The following ARHGEF4 variants were observed in gnomAD, a reference collection of about 807,000 sequenced individuals.
ARHGEF4 encodes the protein Rho guanine nucleotide exchange factor 4, also known as APC-stimulated guanine nucleotide exchange factor 1.
A neutral mutation model predicts 162.0 loss-of-function variants in ARHGEF4; 119 were observed. The observed-to-expected ratio is 0.73, with a 90% CI of 0.63 to 0.86. The LOEUF (loss-of-function observed/expected upper bound fraction) is 0.86. Ranked by LOEUF, ARHGEF4 falls within the 40% of genes least tolerant of loss-of-function variation. The probability of loss-of-function intolerance (pLI) is 0.00; values close to 1 mark genes in which losing one functional copy is unlikely to be tolerated. For missense variants in ARHGEF4, 2,488 were observed against 2,456.0 expected, an observed-to-expected ratio of 1.01 and a Z score of -0.28; for synonymous variants, 1,014 against 979.9, an observed-to-expected ratio of 1.03 and a Z score of -0.65.
At chr2:130,922,301 G>A (rs1681920907) in intron 2 of ARHGEF4, among the ~76,000 whole-genome samples, 1 of 151,870 alleles carries the variant, frequency 6.6e-6, no homozygotes, top group African/African-American at 2.4e-5. Context: ...AACCCAGGAG[G>A]TGGAGGTTGC....
rs1462268576 is a variant in ARHGEF4 at position 130,915,523 on chromosome 2, G to A, written c.1577G>A (p.Arg526Gln). ...SKSPTRAKFP[R>Q]QPSSEGTQVW... ...TCACCTACCAGGGCCAAGTTCCCAC[G>A]GCAGCCTAGCAGTGAGGGGACCCAG... The change falls in exon 2 of 14, where the codon CGG (arginine) becomes CAG (glutamine). Residue 526 changes from arginine (R) to glutamine (Q), a missense_variant. Arg to Gln is a conservative substitution (Grantham distance 43). Transcript: ENST00000409359. The A allele has an allele frequency of 1.9e-6, 3 of 1,550,562 alleles. No individual in the cohort carries two copies. Among genetic ancestry groups the A allele is most frequent in the African/African-American group, 1.4e-5 (1 of 73,158 alleles).
At chr2:131,035,219 T>C in intron 5 of ARHGEF4, 1 of 1,223,854 alleles carries the variant, frequency 8.2e-7, no homozygotes, top group Non-Finnish European at 1.0e-6. Flanking sequence ...GCGCTCCTGG[T>C]TCTCATCAAC....
intron 1 of ARHGEF4, among the ~76,000 whole-genome samples, chr2:130,854,222 A>G (rs1021761511): frequency 6.6e-6 from 1 of 152,244 alleles, no homozygotes; most frequent in Non-Finnish European, 1.5e-5. Flanking sequence ...ATTATAGGCC[A>G]AACCCTGTCC....
intron 1 of ARHGEF4, among the ~76,000 whole-genome samples, chr2:130,866,208 A>G (rs1682266065): frequency 6.6e-6 from 1 of 152,072 alleles, no homozygotes; most frequent in Admixed American, 6.6e-5. Flanking sequence ...ACATCTCTAG[A>G]GACCAAAAAA....
chr2:131,033,349 G>A (rs958261668), intron 5 of ARHGEF4, among the ~76,000 whole-genome samples: 1 of 152,212 alleles, frequency 6.6e-6, no homozygotes, highest in African/African-American at 2.4e-5. Context: ...GCCCTGCTGT[G>A]CATGGGGCAG....
chr2:130,931,199 A>G lies in ARHGEF4; in HGVS notation c.3800A>G (p.Lys1267Arg). Residue 1267 changes from lysine to arginine, a missense_variant, in exon 3 of 14, where the codon AAG (lysine) becomes AGG (arginine). Physicochemically the swap from Lys to Arg is conservative, Grantham distance 26. This residue lies in a region of ARHGEF4 where 1,642 missense variants were observed against 1,481.5 expected (regional missense o/e 1.11). Coordinates refer to ENST00000409359, the MANE Select transcript of ARHGEF4 (RefSeq NM_001367493.1). ...AAGACACAGAGAAAGAAGTTGCAGA[A>G]GCAGGCCCACGTCGAAAGGAGGCTG... ...LEKTQRKKLQ[K>R]QAHVERRLHI... The G allele has an allele frequency of 6.2e-7, 1 of 1,614,034 alleles. No individual in the cohort carries two copies. The highest frequency in any genetic ancestry group is 1.1e-5 in the South Asian group (1 of 91,060).
intron 10 of ARHGEF4, 84 bp from the exon 11 acceptor site, chr2:131,043,368 G>T: frequency 6.3e-7 from 1 of 1,576,636 alleles, no homozygotes. Flanking sequence ...AGGGGGAGGT[G>T]CGCCACCCAC....
chr2:130,907,454 T>C (rs1270151602), intron 1 of ARHGEF4, among the ~76,000 whole-genome samples: 1 of 151,358 alleles, frequency 6.6e-6, no homozygotes, highest in Non-Finnish European at 1.5e-5. Flanking sequence ...CCTGACCTCG[T>C]GATCCGCCCA....
chr2:131,027,848 C>G, intron 4 of ARHGEF4, 97 bp from the exon 5 acceptor site: 2 of 1,443,808 alleles, frequency 1.4e-6, no homozygotes, highest in Non-Finnish European at 1.9e-6. Context: ...GCAGAAGAAG[C>G]ATTTGTCCTG....
intron 4 of ARHGEF4, among the ~76,000 whole-genome samples, chr2:131,023,992 C>T (rs1410568124): frequency 6.6e-6 from 1 of 152,192 alleles, no homozygotes; most frequent in Non-Finnish European, 1.5e-5. Context: ...GGATAGAGTG[C>T]AGGACATTTG....
intron 4 of ARHGEF4, among the ~76,000 whole-genome samples, chr2:131,017,182 C>T (rs937683772): frequency 3.0e-4 from 45 of 152,314 alleles, no homozygotes; most frequent in African/African-American, 1.1e-3. Context: ...TCCTTTAACG[C>T]TTTCCTATGA....
rs917409520 is a variant in ARHGEF4, at chr2:130,901,530, T to C, written c.40-12456T>C. 1.3e-4 allele frequency among the ~76,000 whole-genome samples: 20 copies of C among 152,178 alleles called. 1 individual carries two copies. The South Asian group carries it at 4.2e-3, about 32-fold the overall frequency. ...CGATCCAGAGCCCATATTCTTTTTT[T>C]TTTTTTTGAGACAGAGTTTCGCTCT... On this transcript the variant is annotated intron_variant, in intron 1 of 13. Transcript: ENST00000409359.
chr2:131,005,649 AGAAGATGCAGGGG>A (rs1353199964), intron 4 of ARHGEF4, among the ~76,000 whole-genome samples: 1 of 151,682 alleles, frequency 6.6e-6, no homozygotes, highest in African/African-American at 2.4e-5. Context: ...CGCAGCGTGC[AGAAGATGCAGGGG>A]AGCTGGCCTG....
At chr2:130,873,764 C>A (rs1309771141) in intron 1 of ARHGEF4, among the ~76,000 whole-genome samples, 2 of 151,860 alleles carry the variant, frequency 1.3e-5, no homozygotes, top group African/African-American at 2.4e-5. Flanking sequence ...GTGATGAACA[C>A]TTTGGAGGGG....
intron 4 of ARHGEF4, among the ~76,000 whole-genome samples, chr2:130,989,434 A>G (rs1014323266): frequency 6.6e-6 from 1 of 152,148 alleles, no homozygotes; most frequent in Admixed American, 6.5e-5. Flanking sequence ...CACTTATTAG[A>G]GCTGTTGTGT....
At chr2:130,937,772 A>G (rs1683051316) in intron 3 of ARHGEF4, among the ~76,000 whole-genome samples, 1 of 150,524 alleles carries the variant, frequency 6.6e-6, no homozygotes, top group Non-Finnish European at 1.5e-5. Context: ...GGTTCACACC[A>G]TTCTCCTGCC....
chr2:131,010,359 C>G (rs1023634098), intron 4 of ARHGEF4, among the ~76,000 whole-genome samples: 1 of 152,230 alleles, frequency 6.6e-6, no homozygotes, highest in African/African-American at 2.4e-5. Context: ...TTAGGTCATT[C>G]TCCAGTGCCA....
At chr2:130,910,318 A>G (rs536379631) in intron 1 of ARHGEF4, among the ~76,000 whole-genome samples, 245 of 152,320 alleles carry the variant, frequency 1.6e-3, no homozygotes, top group African/African-American at 5.6e-3. Flanking sequence ...GAAAAAATAC[A>G]TGGTTGGCAA....
At chr2:130,994,998 G>A (rs1320615104) in intron 4 of ARHGEF4, among the ~76,000 whole-genome samples, 3 of 152,206 alleles carry the variant, frequency 2.0e-5, no homozygotes, top group Admixed American at 1.3e-4. Context: ...TCTTAAAGAT[G>A]TGCCCAGATG....
Sources: allele counts gnomAD v4.1 joint callset (sites outside exome capture counted in the v4.1 genomes callset), GRCh38; gene constraint gnomAD v4.1.1; regional missense constraint gnomAD v4.1.1; transcripts MANE v1.5; gene names NCBI Gene and HGNC (gene_info 2026-07-23, HGNC 2026-07-21).